Variants in TTC23 observed in about 807,000 individuals in gnomAD.
TTC23 encodes the protein tetratricopeptide repeat domain 23.
In TTC23, 58 loss-of-function variants were observed where a neutral mutation model predicts 55.1. That is an observed-to-expected ratio of 1.05 (90% CI 0.85 to 1.31). The LOEUF (loss-of-function observed/expected upper bound fraction) is 1.31. Among genes scored for constraint, TTC23 ranks in the 50% most tolerant of loss-of-function variants. The pLI, the probability that TTC23 is intolerant of heterozygous loss-of-function variation, is 0.00. For synonymous variants in TTC23, 203 were observed against 199.9 expected, an observed-to-expected ratio of 1.02 and a Z score of -0.13; for missense variants, 516 against 534.4, an observed-to-expected ratio of 0.97 and a Z score of 0.34.
At chr15:99,210,281 A>G (rs1482796293) in intron 8 of TTC23, among the ~76,000 whole-genome samples, 1 of 152,172 alleles carries the variant, frequency 6.6e-6, no homozygotes, top group African/African-American at 2.4e-5. Context: ...TAGGAGATTC[A>G]AGAAATAGAA....
At chr15:99,178,806 C>A (rs2073849633) in intron 9 of TTC23, among the ~76,000 whole-genome samples, 1 of 152,100 alleles carries the variant, frequency 6.6e-6, no homozygotes, top group Admixed American at 6.5e-5. Context: ...GAAAAGAGGT[C>A]AATAAAATGA....
chr15:99,184,467 T>C (rs994206358), intron 9 of TTC23, among the ~76,000 whole-genome samples: 1 of 152,222 alleles, frequency 6.6e-6, no homozygotes, highest in Non-Finnish European at 1.5e-5. Context: ...ATGTGAGACA[T>C]GGAGTCAAAG....
chr15:99,145,125 G>C (rs2068682151), intron 12 of TTC23: 1 of 152,164 alleles, frequency 6.6e-6, no homozygotes, highest in Admixed American at 6.5e-5. Context: ...CACAGTCAGG[G>C]GTAGTGGGTG....
At chr15:99,160,268 G>C (rs1459709480) in intron 11 of TTC23, 3 of 151,980 alleles carry the variant, frequency 2.0e-5, no homozygotes, top group Admixed American at 6.6e-5. Context: ...TGGGGGAGGA[G>C]GTCTACAGAC....
At chr15:99,208,815 G>C (rs1226068802) in intron 8 of TTC23, among the ~76,000 whole-genome samples, 1 of 152,130 alleles carries the variant, frequency 6.6e-6, no homozygotes, top group Non-Finnish European at 1.5e-5. Flanking sequence ...CTTACTTAAA[G>C]CATCAGTCAA....
chr15:99,230,921 C>A (rs553425141), intron 4 of TTC23, among the ~76,000 whole-genome samples: 1 of 152,170 alleles, frequency 6.6e-6, no homozygotes, highest in South Asian at 2.1e-4. Context: ...GGAAATGGTA[C>A]GTACATGGGC....
At chr15:99,200,693 A>G (rs914491868) in intron 8 of TTC23, among the ~76,000 whole-genome samples, 4 of 152,312 alleles carry the variant, frequency 2.6e-5, no homozygotes, top group African/African-American at 9.6e-5. Context: ...GCACATACAC[A>G]CATACAATTT....
At chr15:99,208,526 C>T (rs1413680474) in intron 8 of TTC23, among the ~76,000 whole-genome samples, 4 of 151,946 alleles carry the variant, frequency 2.6e-5, no homozygotes, top group African/African-American at 7.3e-5. Flanking sequence ...GAATACAACA[C>T]GCAATTGCAC....
intron 9 of TTC23, among the ~76,000 whole-genome samples, chr15:99,183,428 T>A (rs531517654): frequency 2.6e-4 from 39 of 151,404 alleles, no homozygotes; most frequent in African/African-American, 9.4e-4. Context: ...TTCAAGCGAT[T>A]CTCCTGCCTC....
At chr15:99,243,873 A>C (rs954034530) in intron 2 of TTC23, among the ~76,000 whole-genome samples, 1 of 152,148 alleles carries the variant, frequency 6.6e-6, no homozygotes, top group African/African-American at 2.4e-5. Flanking sequence ...TGGGTACAAA[A>C]CGTAGTTAGA....
chr15:99,183,751 G>C (rs1228084233), intron 9 of TTC23, among the ~76,000 whole-genome samples: 1 of 152,150 alleles, frequency 6.6e-6, no homozygotes, highest in Admixed American at 6.5e-5. Context: ...TTTCTGGGGA[G>C]AAATTCAAGC....
In TTC23 at chr15:99,246,992, A is replaced by T. The variant is rs78546347; in HGVS notation, c.-430-1482T>A. Among the ~76,000 whole-genome samples the T allele has an allele frequency of 7.4e-3, 1,129 of 152,318 alleles. 10 individuals are homozygous for T. The highest frequency in any genetic ancestry group is 0.026 in the African/African-American group (1,094 of 41,558). ...TCAGTAACAAGATGACAACTCAATT[A>T]AAAAAATAGGCAAAATATTTGAAAG... On this transcript the variant is annotated intron_variant, in intron 1 of 13. Transcript: ENST00000394132.
rs568135830 is a variant in TTC23 at position 99,227,543 on chromosome 15, T to C, written c.180+990A>G. 1.1e-4 allele frequency among the ~76,000 whole-genome samples: 16 copies of C among 152,348 alleles called. 1 individual carries two copies. The South Asian group carries it at 2.7e-3, about 26-fold the overall frequency. ...GAGTGACTGTTCTTAAAATCAGACCTGCTCATGGCATGCTTCTGCTTATAA... is the reference window on the plus strand; with the variant it reads ...GAGTGACTGTTCTTAAAATCAGACCCGCTCATGGCATGCTTCTGCTTATAA... On this transcript the variant is annotated intron_variant, in intron 5 of 13. Coordinates refer to ENST00000394132, the MANE Select transcript of TTC23 (RefSeq NM_001288615.3).
intron 4 of TTC23, among the ~76,000 whole-genome samples, chr15:99,231,187 A>G (rs908919677): frequency 6.6e-6 from 1 of 152,234 alleles, no homozygotes; most frequent in Non-Finnish European, 1.5e-5. Context: ...ACAGTACACA[A>G]TATGTGATAA....
intron 4 of TTC23, among the ~76,000 whole-genome samples, chr15:99,230,041 G>A (rs964350595): frequency 6.6e-6 from 1 of 152,142 alleles, no homozygotes; most frequent in African/African-American, 2.4e-5. Context: ...AGATTACCAA[G>A]CATCCAAAGA....
chr15:99,164,983 G>A (rs763461229), intron 10 of TTC23, among the ~76,000 whole-genome samples: 2 of 152,142 alleles, frequency 1.3e-5, no homozygotes, highest in East Asian at 3.9e-4. Context: ...TCTGGAAAAG[G>A]GGACCATTAT....
At chr15:99,244,549 G>A (rs549905550) in intron 2 of TTC23, among the ~76,000 whole-genome samples, 1 of 152,012 alleles carries the variant, frequency 6.6e-6, no homozygotes, top group Non-Finnish European at 1.5e-5. Flanking sequence ...TTCAAAATAG[G>A]ATAAAGAGAA....
chr15:99,166,501 T>A (rs1318648556), intron 10 of TTC23, among the ~76,000 whole-genome samples: 1 of 152,058 alleles, frequency 6.6e-6, no homozygotes, highest in Non-Finnish European at 1.5e-5. Context: ...TACGTGGACC[T>A]CCGGAAGAGG....
chr15:99,190,833 G>A (rs954086082), intron 9 of TTC23, among the ~76,000 whole-genome samples: 1 of 152,080 alleles, frequency 6.6e-6, no homozygotes, highest in Non-Finnish European at 1.5e-5. Flanking sequence ...CCAGGTTGGA[G>A]TGCAGTGATG....
Sources: gnomAD v4.1 joint callset for allele counts (sites outside exome capture counted in the v4.1 genomes callset) on GRCh38, gnomAD v4.1.1 for gene constraint, MANE v1.5 for transcripts, NCBI Gene and HGNC (gene_info 2026-07-23, HGNC 2026-07-21) for gene names.